NGEF: variants seen among roughly 807,000 people sequenced by gnomAD.
The protein encoded by NGEF is ephexin-1.
NGEF carries 31 observed loss-of-function variants against 80.9 expected under a neutral mutation model. The ratio of observed to expected loss-of-function variants is 0.38; its 90% CI spans 0.29 to 0.52. The LOEUF is 0.52. NGEF is among the 20% of genes least tolerant of loss of function. NGEF has a pLI of 0.84. For synonymous variants in NGEF, 371 were observed against 370.2 expected (o/e 1.00, Z -0.03); for missense variants, 709 against 926.2 (o/e 0.77, Z 3.04).
chr2:232,934,682 A>C (rs1188429525), intron 3 of NGEF, among the ~76,000 whole-genome samples: 1 of 152,150 alleles, frequency 6.6e-6, no homozygotes, highest in Non-Finnish European at 1.5e-5. Context: ...TTTATACCTG[A>C]CTAGCACGTA....
chr2:232,997,078 A>T (rs940662512), intron 1 of NGEF, among the ~76,000 whole-genome samples: 7 of 152,148 alleles, frequency 4.6e-5, no homozygotes, highest in African/African-American at 1.4e-4. Flanking sequence ...ATAGTTGAGC[A>T]CTGGGTCCTT....
intron 3 of NGEF, among the ~76,000 whole-genome samples, chr2:232,932,387 G>A (rs372659978): frequency 3.6e-4 from 54 of 151,842 alleles, no homozygotes; most frequent in Non-Finnish European, 4.9e-4. Flanking sequence ...GGCTGGTCTC[G>A]AACTCCTGAC....
chr2:232,909,457 GGT>G (rs1692646819), intron 5 of NGEF, among the ~76,000 whole-genome samples: 1 of 151,904 alleles, frequency 6.6e-6, no homozygotes, highest in African/African-American at 2.4e-5. Flanking sequence ...CTTAATTCAC[GGT>G]GAGACAGATC....
At chr2:232,993,215 TATAG>T (rs1165550496) in intron 1 of NGEF, among the ~76,000 whole-genome samples, 1 of 28,508 alleles carries the variant, frequency 3.5e-5, no homozygotes, top group African/African-American at 2.0e-4. Context: ...TATTTGCCCG[TATAG>T]ATACACACAT....
intron 3 of NGEF, among the ~76,000 whole-genome samples, chr2:232,930,200 G>A (rs917968230): frequency 6.6e-6 from 1 of 152,084 alleles, no homozygotes; most frequent in Non-Finnish European, 1.5e-5. Flanking sequence ...GGAAGGCTGA[G>A]CTCAGAGTGA....
chr2:233,011,635 C>T (rs1574671014), intron 1 of NGEF, among the ~76,000 whole-genome samples: 1 of 151,836 alleles, frequency 6.6e-6, no homozygotes, highest in African/African-American at 2.4e-5. Context: ...CCAGGTTGCC[C>T]AGGTTGGAAT....
intron 2 of NGEF, among the ~76,000 whole-genome samples, chr2:232,972,744 C>CTTTTTT (rs61594239): frequency 6.5e-5 from 8 of 123,382 alleles, no homozygotes; most frequent in Admixed American, 9.4e-5. Context: ...TGTCCTTATC[C>CTTTTTT]TTTTTTTTTT....
At chr2:232,893,569 T>C (rs1308787347) in intron 6 of NGEF, among the ~76,000 whole-genome samples, 1 of 151,232 alleles carries the variant, frequency 6.6e-6, no homozygotes, top group Non-Finnish European at 1.5e-5. Flanking sequence ...AGGTCAGGAG[T>C]TCGAGACCAG....
intron 14 of NGEF, among the ~76,000 whole-genome samples, chr2:232,880,546 A>G (rs1317153552): frequency 6.6e-6 from 1 of 152,230 alleles, no homozygotes; most frequent in African/African-American, 2.4e-5. Context: ...AGCAGGGAAG[A>G]TGCAGTTGTA....
At chr2:232,972,998 C>A (rs1694225628) in intron 2 of NGEF, among the ~76,000 whole-genome samples, 1 of 152,096 alleles carries the variant, frequency 6.6e-6, no homozygotes, top group East Asian at 1.9e-4. Context: ...CTCAGATGAT[C>A]TACCCACCTC....
At chr2:232,998,280 A>C (rs6760560) in intron 1 of NGEF, among the ~76,000 whole-genome samples, 135,064 of 152,164 alleles carry the variant, frequency 0.89, 60,175 homozygotes, top group East Asian at 0.99. Flanking sequence ...CACTCAGTAA[A>C]TTGTCCAGGA....
chr2:232,901,171 A>G (rs1200604993), intron 5 of NGEF, among the ~76,000 whole-genome samples: 2 of 152,132 alleles, frequency 1.3e-5, no homozygotes, highest in African/African-American at 4.8e-5. Context: ...GCGGGCCCCA[A>G]TTCCCTGTTA....
chr2:232,930,809 C>T (rs1318183076), intron 3 of NGEF, among the ~76,000 whole-genome samples: 3 of 152,174 alleles, frequency 2.0e-5, no homozygotes, highest in African/African-American at 7.2e-5. Flanking sequence ...AATATTCCAC[C>T]CTGGTCCCCC....
chr2:232,906,991 G>C (rs567331965), intron 5 of NGEF, among the ~76,000 whole-genome samples: 17 of 150,790 alleles, frequency 1.1e-4, no homozygotes, highest in Middle Eastern at 3.4e-3. Flanking sequence ...CAGCATGCTC[G>C]TTAAGAGTCA....
At chr2:232,901,466 A>T in intron 5 of NGEF, 1 of 983,300 alleles carries the variant, frequency 1.0e-6, no homozygotes, top group Non-Finnish European at 1.2e-6. Flanking sequence ...CTGTGTTAAC[A>T]AATCACTGCT....
chr2:232,979,363 C>CACACAA (rs1694360820), intron 1 of NGEF, among the ~76,000 whole-genome samples: 1 of 59,036 alleles, frequency 1.7e-5, no homozygotes, highest in Non-Finnish European at 3.1e-5. Context: ...ATTTTACACA[C>CACACAA]ACACACACAC....
At chr2:232,908,058 C>T (rs139924791) in intron 5 of NGEF, among the ~76,000 whole-genome samples, 7 of 151,786 alleles carry the variant, frequency 4.6e-5, no homozygotes, top group South Asian at 2.1e-4. Context: ...TTCAGTGAGC[C>T]GAGATCGTAC....
intron 1 of NGEF, among the ~76,000 whole-genome samples, chr2:233,000,157 G>A (rs1042590125): frequency 2.6e-4 from 40 of 152,126 alleles, no homozygotes; most frequent in Non-Finnish European, 4.3e-4. Context: ...GGGCAGTGGT[G>A]CCATCATAGC....
intron 3 of NGEF, among the ~76,000 whole-genome samples, chr2:232,930,119 A>G (rs1559213040): frequency 6.6e-6 from 1 of 152,170 alleles, no homozygotes. Context: ...GCCGCGTGAG[A>G]GCGGAGTAAT....
Sources: allele counts gnomAD v4.1 joint callset (sites outside exome capture counted in the v4.1 genomes callset), GRCh38; gene constraint gnomAD v4.1.1; transcripts MANE v1.5; gene names NCBI Gene and HGNC (gene_info 2026-07-23, HGNC 2026-07-21).